Variants in TBC1D5 observed in about 807,000 individuals in gnomAD.
TBC1D5 encodes the protein TBC1 domain family member 5, also known as TBC1 domain family, member 5.
Under a neutral mutation model 100.3 loss-of-function variants are expected in TBC1D5, and 75 were observed. The observed-to-expected ratio is 0.75, with a 90% confidence interval of 0.62 to 0.91. The LOEUF is 0.91. Ranked by LOEUF, TBC1D5 falls within the 40% of genes least tolerant of loss-of-function variation. The pLI is 0.00. For missense variants in TBC1D5, 910 were observed against 942.4 expected, an observed-to-expected ratio of 0.97 and a Z score of 0.45; for synonymous variants, 323 against 325.6, an observed-to-expected ratio of 0.99 and a Z score of 0.09.
chr3:17,608,732 T>A (rs538936766), intron 2 of TBC1D5, among the ~76,000 whole-genome samples: 4 of 152,282 alleles, frequency 2.6e-5, no homozygotes, highest in African/African-American at 9.6e-5. Flanking sequence ...ATTGCTTCTG[T>A]AATTACAATA....
intron 3 of TBC1D5, among the ~76,000 whole-genome samples, chr3:17,481,288 C>A (rs563999222): frequency 6.6e-6 from 1 of 152,366 alleles, no homozygotes; most frequent in African/African-American, 2.4e-5. Flanking sequence ...ATACTTGCTC[C>A]ACTCTGTGCC....
chr3:17,695,904 G>A (rs1470709185), intron 1 of TBC1D5, among the ~76,000 whole-genome samples: 1 of 152,186 alleles, frequency 6.6e-6, no homozygotes, highest in Non-Finnish European at 1.5e-5. Flanking sequence ...CTGTCTCTCA[G>A]ACCACAGTGC....
rs375074918 is a variant in TBC1D5, at chr3:17,363,946, T to C, written c.995+8129A>G. Among the ~76,000 whole-genome samples the C allele has an allele frequency of 4.6e-5, 7 of 151,018 alleles. No individual in the cohort carries two copies. In the East Asian group the frequency reaches 9.7e-4, roughly 21 times the overall value. On this transcript the variant is annotated intron_variant, in intron 13 of 21. Coordinates refer to ENST00000253692, the Ensembl canonical transcript of TBC1D5. The stretch of plus-strand genomic sequence containing the variant: ...TAAAAATCATAAGGAAAAATTTACA[T>C]TGAATTTTATTGGACTAATTTTTTT...
intron 16 of TBC1D5, among the ~76,000 whole-genome samples, chr3:17,243,434 A>C (rs2076466654): frequency 6.6e-6 from 1 of 152,186 alleles, no homozygotes; most frequent in Non-Finnish European, 1.5e-5. Context: ...AATTATTCTG[A>C]TTTGATCATT....
chr3:17,376,977 T>C (rs1477107318), intron 9 of TBC1D5, among the ~76,000 whole-genome samples: 1 of 152,106 alleles, frequency 6.6e-6, no homozygotes, highest in Non-Finnish European at 1.5e-5. Flanking sequence ...AGTGTTAAGA[T>C]CTGCAGTAAG....
intron 2 of TBC1D5, among the ~76,000 whole-genome samples, chr3:17,613,524 T>G (rs2061863773): frequency 6.6e-6 from 1 of 152,238 alleles, no homozygotes; most frequent in Admixed American, 6.5e-5. Context: ...TGTTCCTATT[T>G]CTCCACATCC....
chr3:17,388,268 GGTGT>G (rs1057345053), intron 8 of TBC1D5, among the ~76,000 whole-genome samples: 45 of 151,916 alleles, frequency 3.0e-4, no homozygotes, highest in African/African-American at 1.1e-3. Flanking sequence ...ACAAACATGT[GGTGT>G]GTAAGTTTTG....
chr3:17,618,678 A>G (rs2062395431), intron 2 of TBC1D5, among the ~76,000 whole-genome samples: 1 of 152,224 alleles, frequency 6.6e-6, no homozygotes, highest in African/African-American at 2.4e-5. Flanking sequence ...AGCAGTGAGC[A>G]AAGCTCCATG....
chr3:17,420,224 G>C (rs1001592318), intron 4 of TBC1D5, among the ~76,000 whole-genome samples: 1 of 151,328 alleles, frequency 6.6e-6, no homozygotes, highest in Non-Finnish European at 1.5e-5. Context: ...AAAAAATAAA[G>C]ATATAGACAA....
intron 19 of TBC1D5, among the ~76,000 whole-genome samples, chr3:17,172,893 G>C (rs2067307268): frequency 6.6e-6 from 1 of 152,176 alleles, no homozygotes; most frequent in Non-Finnish European, 1.5e-5. Context: ...TGAGTAGAAA[G>C]GGGACAAAAG....
At chr3:17,685,204 A>T (rs890623043) in intron 1 of TBC1D5, among the ~76,000 whole-genome samples, 9 of 136,672 alleles carry the variant, frequency 6.6e-5, no homozygotes, top group Non-Finnish European at 1.0e-4. Context: ...CCATAAATTT[A>T]AAAAAAATCC....
At chr3:17,675,332 C>T (rs982021881) in intron 1 of TBC1D5, among the ~76,000 whole-genome samples, 1 of 152,044 alleles carries the variant, frequency 6.6e-6, no homozygotes, top group Non-Finnish European at 1.5e-5. Context: ...AATGTGTGAA[C>T]GTTCTACTAA....
chr3:17,711,095 T>C (rs1371808693), intron 1 of TBC1D5, among the ~76,000 whole-genome samples: 1 of 152,148 alleles, frequency 6.6e-6, no homozygotes, highest in Non-Finnish European at 1.5e-5. Flanking sequence ...CTTAGGATTA[T>C]AAGGTCTAAA....
At chr3:17,671,348 T>C (rs911909523) in intron 1 of TBC1D5, among the ~76,000 whole-genome samples, 1 of 152,112 alleles carries the variant, frequency 6.6e-6, no homozygotes, top group African/African-American at 2.4e-5. Context: ...GAAAAAAGAC[T>C]CCAGTGACTC....
At chr3:17,226,379 T>C (rs2074908254) in intron 17 of TBC1D5, among the ~76,000 whole-genome samples, 1 of 151,444 alleles carries the variant, frequency 6.6e-6, no homozygotes. Context: ...TTAAAGCCTA[T>C]TCTTAGGGGC....
At chr3:17,673,363 A>T (rs1398865115) in intron 1 of TBC1D5, among the ~76,000 whole-genome samples, 7 of 143,352 alleles carry the variant, frequency 4.9e-5, no homozygotes. Flanking sequence ...AGGCTGGAGT[A>T]CGGTGGCATG....
At chr3:17,396,136 G>A (rs1389319387) in intron 8 of TBC1D5, among the ~76,000 whole-genome samples, 2 of 152,080 alleles carry the variant, frequency 1.3e-5, no homozygotes, top group African/African-American at 4.8e-5. Context: ...CTGTGAACAA[G>A]TGCATATGTG....
intron 9 of TBC1D5, among the ~76,000 whole-genome samples, chr3:17,383,617 T>G (rs1490661119): frequency 1.3e-5 from 2 of 152,062 alleles, no homozygotes; most frequent in Non-Finnish European, 2.9e-5. Context: ...CTCTGAAATT[T>G]TATTACTAGA....
At chr3:17,696,316 T>C (rs2072068042) in intron 1 of TBC1D5, among the ~76,000 whole-genome samples, 1 of 151,938 alleles carries the variant, frequency 6.6e-6, no homozygotes, top group Non-Finnish European at 1.5e-5. Context: ...CAAGAGCTGG[T>C]TTTTTGAAAA....
Sources: allele counts gnomAD v4.1 joint callset (sites outside exome capture counted in the v4.1 genomes callset), GRCh38; gene constraint gnomAD v4.1.1; transcripts MANE v1.5; gene names NCBI Gene and HGNC (gene_info 2026-07-23, HGNC 2026-07-21).